CDH13: variants seen among roughly 807,000 people sequenced by gnomAD.
CDH13 encodes cadherin 13, also known as cadherin-13.
In CDH13, 24 loss-of-function variants were observed where a neutral mutation model predicts 63.8. The observed-to-expected ratio is 0.38, with a 90% CI of 0.27 to 0.53. The LOEUF (loss-of-function observed/expected upper bound fraction) is 0.53. Ranked by LOEUF, CDH13 falls within the 20% of genes least tolerant of loss-of-function variation. CDH13 has a pLI of 0.85. For synonymous variants in CDH13, 503 were observed against 355.3 expected (o/e 1.42, Z -4.67); for missense variants, 1,049 against 903.1 (o/e 1.16, Z -2.07).
intron 7 of CDH13, among the ~76,000 whole-genome samples, chr16:83,499,299 C>T (rs897238685): frequency 2.0e-5 from 3 of 152,194 alleles, no homozygotes; most frequent in Non-Finnish European, 4.4e-5. Context: ...TGTTTATACA[C>T]GTAGAGCATC....
intron 1 of CDH13, among the ~76,000 whole-genome samples, chr16:82,640,717 C>G (rs910545959): frequency 6.6e-6 from 1 of 152,040 alleles, no homozygotes; most frequent in Admixed American, 6.6e-5. Context: ...GCCTCAGTTG[C>G]CATGAAAATC....
chr16:82,723,141 G>A (rs527671608), intron 1 of CDH13: 1 of 152,358 alleles, frequency 6.6e-6, no homozygotes, highest in South Asian at 2.1e-4. Context: ...GGGAAGGAGG[G>A]GTTCCACATG....
intron 11 of CDH13, among the ~76,000 whole-genome samples, chr16:83,763,577 G>C (rs1268107291): frequency 6.6e-6 from 1 of 151,926 alleles, no homozygotes; most frequent in Non-Finnish European, 1.5e-5. Flanking sequence ...ACTGCAGGGG[G>C]GATATAGTAA....
chr16:82,986,707 T>C (rs1057356374), intron 2 of CDH13, among the ~76,000 whole-genome samples: 2 of 152,102 alleles, frequency 1.3e-5, no homozygotes, highest in African/African-American at 4.8e-5. Flanking sequence ...TTGAACTACA[T>C]CCAATAGTAC....
intron 1 of CDH13, among the ~76,000 whole-genome samples, chr16:82,849,495 C>T (rs28857312): frequency 1.5e-3 from 227 of 152,016 alleles, no homozygotes; most frequent in African/African-American, 5.2e-3. Context: ...AGTGAGACTC[C>T]GTCTCAAAAA....
intron 6 of CDH13, among the ~76,000 whole-genome samples, chr16:83,355,872 G>C (rs529047711): frequency 5.9e-4 from 90 of 152,324 alleles, no homozygotes; most frequent in Non-Finnish European, 8.8e-4. Context: ...GTGGTAATCA[G>C]CTGTATATTT....
intron 2 of CDH13, among the ~76,000 whole-genome samples, chr16:82,990,551 T>G (rs1284651468): frequency 2.0e-5 from 3 of 151,084 alleles, no homozygotes; most frequent in African/African-American, 4.8e-5. Flanking sequence ...GTTTGGGTTT[T>G]TTTTTTTTTT....
chr16:83,238,232 A>G (rs28662920), intron 5 of CDH13, among the ~76,000 whole-genome samples: 25,157 of 150,934 alleles, frequency 0.17, 2,527 homozygotes, highest in African/African-American at 0.27. Flanking sequence ...TTAAAAAAAA[A>G]AGAGAGATTT....
At chr16:83,664,514 AGTT>A (rs1231823324) in intron 8 of CDH13, among the ~76,000 whole-genome samples, 1 of 149,280 alleles carries the variant, frequency 6.7e-6, no homozygotes, top group East Asian at 1.9e-4. Flanking sequence ...TTATATAATT[AGTT>A]TTTATTTTTA....
chr16:82,706,785 C>G (rs752049101), intron 1 of CDH13, among the ~76,000 whole-genome samples: 7 of 151,602 alleles, frequency 4.6e-5, no homozygotes, highest in Non-Finnish European at 8.8e-5. Flanking sequence ...GCCTGGGTGA[C>G]AGAGCGAGAC....
chr16:83,284,899 G>C (rs780553653), intron 5 of CDH13, among the ~76,000 whole-genome samples: 3 of 152,154 alleles, frequency 2.0e-5, no homozygotes, highest in Non-Finnish European at 4.4e-5. Flanking sequence ...GTAATAAAGT[G>C]AACAAACTGG....
rs1436640688 is a variant in CDH13, at chr16:83,047,879, C to T, written c.366+15661C>T. 6.6e-6 allele frequency among the ~76,000 whole-genome samples: 1 copy of T among 152,068 alleles called. No individual in the cohort carries two copies. The highest frequency in any genetic ancestry group is 2.4e-5 in the African/African-American group (1 of 41,410). On this transcript the variant is annotated intron_variant, in intron 3 of 13. Coordinates refer to ENST00000567109, the MANE Select transcript of CDH13 (RefSeq NM_001257.5). The surrounding 1 kb of genome is among the most constrained non-coding windows in gnomAD (Gnocchi z 4.9). ...TAGGTCCTATTTTATCTTCATTTTA[C>T]AGGTGAATAAAGGAAGACGGGGAGA...
At chr16:83,046,337 C>T (rs530445393) in intron 3 of CDH13, among the ~76,000 whole-genome samples, 1 of 152,076 alleles carries the variant, frequency 6.6e-6, no homozygotes, top group Non-Finnish European at 1.5e-5. Flanking sequence ...ATGTAGGCGG[C>T]CATCAAAACA....
rs1390695578 is a variant in CDH13 at position 83,368,883 on chromosome 16, GTTATATATATATATAT to G, written c.781+23878_781+23893del. Among the ~76,000 whole-genome samples the G allele has an allele frequency of 3.3e-3, 84 of 25,342 alleles. 1 individual carries two copies. Among genetic ancestry groups the G allele is most frequent in the African/African-American group, 8.2e-3 (81 of 9,828 alleles). The allele number at this position is 25,342 out of a possible 152,430, so 16.6% of individuals were successfully genotyped here. A position where few individuals can be genotyped will look rare whatever the true frequency, so the allele number is the denominator to read the frequency against. ...TTATGGCTGAGTAGTAGTATTCCAT[GTTATATATATATATAT>G]ATATATATATATATATATATATATA... is the stretch of plus-strand genomic sequence containing the variant. On this transcript the variant is annotated intron_variant, in intron 6 of 13. Coordinates refer to ENST00000567109, the MANE Select transcript of CDH13 (RefSeq NM_001257.5).
chr16:83,377,973 A>G (rs907115733), intron 6 of CDH13, among the ~76,000 whole-genome samples: 2 of 152,170 alleles, frequency 1.3e-5, no homozygotes, highest in Admixed American at 1.3e-4. Flanking sequence ...TAGAAGATGA[A>G]TTTGCATGTA....
At chr16:83,056,524 T>C (rs983660630) in intron 3 of CDH13, among the ~76,000 whole-genome samples, 6 of 152,042 alleles carry the variant, frequency 3.9e-5, no homozygotes, top group African/African-American at 1.2e-4. Flanking sequence ...AGGCATAACA[T>C]TGCATGAAAG....
At chr16:83,693,326 T>G (rs1905079729) in intron 10 of CDH13, among the ~76,000 whole-genome samples, 1 of 152,212 alleles carries the variant, frequency 6.6e-6, no homozygotes, top group Admixed American at 6.5e-5. Context: ...TAGAACACAG[T>G]GCACGGTACA....
At chr16:83,482,432 T>C (rs2073792716) in intron 6 of CDH13, among the ~76,000 whole-genome samples, 1 of 152,238 alleles carries the variant, frequency 6.6e-6, no homozygotes, top group African/African-American at 2.4e-5. Flanking sequence ...GCTGTAAGCG[T>C]GCTTAATAGA....
At chr16:83,764,297 G>T (rs962093737) in intron 11 of CDH13, among the ~76,000 whole-genome samples, 5 of 152,156 alleles carry the variant, frequency 3.3e-5, no homozygotes, top group African/African-American at 1.2e-4. Context: ...AGCCAGAAAA[G>T]GTGTCCTTGG....
Sources: allele counts gnomAD v4.1 joint callset (sites outside exome capture counted in the v4.1 genomes callset), GRCh38; gene constraint gnomAD v4.1.1; non-coding constraint Gnocchi (gnomAD v3.1); transcripts MANE v1.5; gene names NCBI Gene and HGNC (gene_info 2026-07-23, HGNC 2026-07-21).